The following EYA1 variants were observed in gnomAD, a reference collection of about 807,000 sequenced individuals.
EYA1 encodes EYA transcriptional coactivator and phosphatase 1.
EYA1 carries 16 observed loss-of-function variants against 82.0 expected under a neutral mutation model. The observed-to-expected ratio is 0.20, with a 90% CI of 0.13 to 0.30. The LOEUF (loss-of-function observed/expected upper bound fraction) is 0.30. Ranked by LOEUF, EYA1 falls within the 10% of genes least tolerant of loss-of-function variation. The pLI is 1.00. For synonymous variants in EYA1, 261 were observed against 264.4 expected (o/e 0.99, Z 0.12); for missense variants, 633 against 730.7 (o/e 0.87, Z 1.54).
At chr8:71,476,881 G>A (rs902972249) in intron 2 of EYA1, among the ~76,000 whole-genome samples, 2 of 151,910 alleles carry the variant, frequency 1.3e-5, no homozygotes, top group Non-Finnish European at 1.5e-5. Flanking sequence ...AAATAGACAC[G>A]TAGATAAATG....
intron 2 of EYA1, among the ~76,000 whole-genome samples, chr8:71,416,859 T>C (rs1328918033): frequency 1.3e-5 from 2 of 152,188 alleles, no homozygotes; most frequent in African/African-American, 4.8e-5. Context: ...GAGTGTCACC[T>C]TGATTGAATT....
rs546843022 is a variant in EYA1 at position 71,209,500 on chromosome 8, G to A, written c.1698+1656C>T. Among the ~76,000 whole-genome samples the A allele has an allele frequency of 2.6e-5, 4 of 152,244 alleles. No homozygotes were observed. In the East Asian group the frequency reaches 7.7e-4, roughly 29 times the overall value. On this transcript the variant is annotated intron_variant, in intron 17 of 17. Transcript: ENST00000340726. ...GACTGGGATACATTCTGTATTTATG[G>A]GTATTCATGAAATTATCTAGTTTAA...
Position 71,545,600 on chromosome 8 carries a change from C to A in EYA1, c.-73+2264G>T, listed in dbSNP as rs573027308. Among the ~76,000 whole-genome samples, 3 of 126,662 alleles carry A rather than the reference C, an allele frequency of 2.4e-5. No individual in the cohort carries two copies. The South Asian group carries it at 7.7e-4, about 32-fold the overall frequency. The allele number at this position is 126,662 out of a possible 152,430, so 83.1% of individuals were successfully genotyped here. The stretch of plus-strand genomic sequence containing the variant: ...TTTTTGAGATGGAGTCTCGCTCTGT[C>A]GCCCAGGCTGGAGTGCAGTGGGGCG... On this transcript the variant is annotated intron_variant, in intron 1 of 18. Transcript: ENST00000643681.
intron 2 of EYA1, among the ~76,000 whole-genome samples, chr8:71,482,890 AG>A (rs1810276250): frequency 6.6e-6 from 1 of 152,174 alleles, no homozygotes; most frequent in African/African-American, 2.4e-5. Flanking sequence ...GCTGAAAGAG[AG>A]GGGGTACAAT....
intron 2 of EYA1, among the ~76,000 whole-genome samples, chr8:71,407,308 G>C (rs1257188618): frequency 8.0e-6 from 1 of 124,712 alleles, no homozygotes; most frequent in Non-Finnish European, 1.7e-5. Context: ...ACTCTAAAAC[G>C]CAGAGCGCCT....
intron 11 of EYA1, among the ~76,000 whole-genome samples, chr8:71,266,733 G>A (rs1371455467): frequency 2.0e-5 from 3 of 152,094 alleles, no homozygotes; most frequent in South Asian, 4.1e-4. Context: ...CAGTGCCCTG[G>A]GCTCACCTTC....
At chr8:71,339,287 C>A (rs1044477855) in intron 3 of EYA1, among the ~76,000 whole-genome samples, 1 of 152,216 alleles carries the variant, frequency 6.6e-6, no homozygotes, top group South Asian at 2.1e-4. Context: ...TTTCTCCTAG[C>A]ATCTCTTTTT....
chr8:71,371,986 CA>C (rs914961564), intron 2 of EYA1, among the ~76,000 whole-genome samples: 65 of 152,038 alleles, frequency 4.3e-4, no homozygotes, highest in African/African-American at 1.3e-3. Context: ...TCTGGTTTTC[CA>C]ACACCCAGAT....
At chr8:71,269,457 A>G (rs1007502753) in intron 11 of EYA1, among the ~76,000 whole-genome samples, 1 of 152,240 alleles carries the variant, frequency 6.6e-6, no homozygotes, top group African/African-American at 2.4e-5. Flanking sequence ...ATGTATTTTA[A>G]TATTTCATCC....
At chr8:71,382,828 T>C (rs986711099) in intron 2 of EYA1, among the ~76,000 whole-genome samples, 1 of 152,094 alleles carries the variant, frequency 6.6e-6, no homozygotes, top group Non-Finnish European at 1.5e-5. Context: ...CATATCGATT[T>C]CTAGGTCTCA....
chr8:71,408,155 T>C (rs986081474), intron 2 of EYA1, among the ~76,000 whole-genome samples: 60 of 152,050 alleles, frequency 3.9e-4, no homozygotes, highest in Admixed American at 3.3e-4. Flanking sequence ...TAAAATACTT[T>C]ACAGACAAGC....
At chr8:71,287,645 C>T (rs1818534436) in intron 9 of EYA1, among the ~76,000 whole-genome samples, 1 of 152,196 alleles carries the variant, frequency 6.6e-6, no homozygotes, top group Non-Finnish European at 1.5e-5. Context: ...TGGTGAGCCA[C>T]ACTTTTGGGG....
intron 2 of EYA1, among the ~76,000 whole-genome samples, chr8:71,528,223 ATC>A (rs1253736967): frequency 6.6e-6 from 1 of 152,094 alleles, no homozygotes; most frequent in African/African-American, 2.4e-5. Flanking sequence ...AGCAATTTTC[ATC>A]TTTGTCACAC....
In EYA1 at chr8:71,411,388, A is replaced by T. The variant is rs1473849355; in HGVS notation, c.34-54877T>A. 7.1e-4 allele frequency among the ~76,000 whole-genome samples: 36 copies of T among 50,622 alleles called. 2 individuals are homozygous for T. The East Asian group carries it at 0.013, about 18-fold the overall frequency. The allele number at this position is 50,622 out of a possible 152,430, so 33.2% of individuals were successfully genotyped here. On this transcript the variant is annotated intron_variant, in intron 2 of 18. Transcript: ENST00000643681. ...AGCCAAAATTGACAAATGGGATCTA[A>T]TTAAACTAAAGAGCTTCTGCACAGC...
chr8:71,240,541 T>C (rs916636183), intron 12 of EYA1, among the ~76,000 whole-genome samples: 1 of 152,128 alleles, frequency 6.6e-6, no homozygotes, highest in African/African-American at 2.4e-5. Flanking sequence ...AGAGGAGGGT[T>C]CCCACTCTTC....
chr8:71,414,090 G>C (rs1029586227), intron 2 of EYA1, among the ~76,000 whole-genome samples: 1 of 152,194 alleles, frequency 6.6e-6, no homozygotes, highest in African/African-American at 2.4e-5. Context: ...CTGCCCCAGA[G>C]GGAAGGCCCT....
At chr8:71,431,612 C>T (rs925448796) in intron 2 of EYA1, among the ~76,000 whole-genome samples, 1 of 152,172 alleles carries the variant, frequency 6.6e-6, no homozygotes, top group Admixed American at 6.5e-5. Context: ...TCCAAGAAGA[C>T]ACTACCCACC....
intron 2 of EYA1, among the ~76,000 whole-genome samples, chr8:71,452,584 G>A (rs976673320): frequency 1.3e-5 from 2 of 152,286 alleles, no homozygotes; most frequent in South Asian, 2.1e-4. Flanking sequence ...CCAGAGGAAC[G>A]ATCAGGCAGC....
At chr8:71,204,668 T>TG (rs1807514153) in intron 17 of EYA1, among the ~76,000 whole-genome samples, 1 of 152,142 alleles carries the variant, frequency 6.6e-6, no homozygotes, top group South Asian at 2.1e-4. Flanking sequence ...AAAGCAGGTA[T>TG]GAAAAAAAGT....
Sources: allele counts gnomAD v4.1 joint callset (sites outside exome capture counted in the v4.1 genomes callset), GRCh38; gene constraint gnomAD v4.1.1; transcripts MANE v1.5; gene names NCBI Gene and HGNC (gene_info 2026-07-23, HGNC 2026-07-21).